The following SGCZ variants were observed in gnomAD, a reference collection of about 807,000 sequenced individuals.
SGCZ encodes the protein sarcoglycan zeta.
Under a neutral mutation model 41.3 loss-of-function variants are expected in SGCZ, and 40 were observed. That is an observed-to-expected ratio of 0.97 (90% CI 0.75 to 1.26). The LOEUF is 1.26. Among genes scored for constraint, SGCZ ranks in the 50% most tolerant of loss-of-function variants. The probability of loss-of-function intolerance (pLI) is 0.00; values close to 1 mark genes in which losing one functional copy is unlikely to be tolerated. For synonymous variants in SGCZ, 206 were observed against 137.5 expected (o/e 1.50, Z -3.49); for missense variants, 552 against 369.8 (o/e 1.49, Z -4.04).
At chr8:14,162,706 A>T (rs1804084052) in intron 5 of SGCZ, 1 of 152,258 alleles carries the variant, frequency 6.6e-6, no homozygotes, top group African/African-American at 2.4e-5. Flanking sequence ...ACACTCACCC[A>T]ATGGTGGAGG....
chr8:14,700,447 G>C (rs1809099938), intron 1 of SGCZ, among the ~76,000 whole-genome samples: 1 of 151,806 alleles, frequency 6.6e-6, no homozygotes, highest in Non-Finnish European at 1.5e-5. Flanking sequence ...AATGGACACT[G>C]AGGACTACTA....
At chr8:14,726,324 CTATAT>C (rs1810054381) in intron 1 of SGCZ, among the ~76,000 whole-genome samples, 2 of 121,176 alleles carry the variant, frequency 1.7e-5, no homozygotes, top group African/African-American at 3.2e-5. Flanking sequence ...ATATATATAT[CTATAT>C]ATATATATAT....
intron 4 of SGCZ, among the ~76,000 whole-genome samples, chr8:14,184,175 A>G (rs1213116841): frequency 6.6e-6 from 1 of 151,586 alleles, no homozygotes; most frequent in Non-Finnish European, 1.5e-5. Context: ...AAATTCCAGT[A>G]TATTTAAGAA....
At chr8:14,803,514 T>C (rs1021249201) in intron 1 of SGCZ, among the ~76,000 whole-genome samples, 7 of 152,100 alleles carry the variant, frequency 4.6e-5, no homozygotes, top group African/African-American at 1.7e-4. Flanking sequence ...TACCGCGCTT[T>C]TCCGATGGGC....
At chr8:14,841,025 T>A (rs1335777517) in intron 1 of SGCZ, among the ~76,000 whole-genome samples, 2 of 152,200 alleles carry the variant, frequency 1.3e-5, no homozygotes, top group South Asian at 4.1e-4. Context: ...ATTTTATCAA[T>A]GTGTAAACAT....
At chr8:15,054,959 C>G (rs910159093) in intron 1 of SGCZ, among the ~76,000 whole-genome samples, 1 of 63,800 alleles carries the variant, frequency 1.6e-5, no homozygotes, top group African/African-American at 4.1e-5. Flanking sequence ...AAGACTCCAT[C>G]TCAAAAAAAA....
intron 2 of SGCZ, among the ~76,000 whole-genome samples, chr8:14,531,676 T>C (rs565248204): frequency 1.3e-5 from 2 of 152,118 alleles, no homozygotes; most frequent in Admixed American, 1.3e-4. Flanking sequence ...TGTCACTTAA[T>C]AGATTCTTCT....
At chr8:14,100,674 T>C (rs750856817) in intron 7 of SGCZ, among the ~76,000 whole-genome samples, 17 of 150,330 alleles carry the variant, frequency 1.1e-4, no homozygotes, top group Non-Finnish European at 2.5e-4. Context: ...TGGTATAATA[T>C]CTGCTAACAC....
intron 2 of SGCZ, among the ~76,000 whole-genome samples, chr8:14,373,720 C>T (rs141733942): frequency 0.02 from 3,020 of 152,100 alleles, 80 homozygotes; most frequent in African/African-American, 0.056. Context: ...AAAGATAGAA[C>T]AAAAGGCATA....
chr8:15,124,617 A>G lies in SGCZ; in HGVS notation c.39+112968T>C, dbSNP rs578006648. Reference sequence around the variant, plus strand: ...AGTTTCCTCTTCAATTGTAAAAGCAATTGCCAAAATATCATCCAAGCTCCT... The same window carrying G: ...AGTTTCCTCTTCAATTGTAAAAGCAGTTGCCAAAATATCATCCAAGCTCCT... On this transcript the variant is annotated intron_variant, in intron 1 of 7. Transcript: ENST00000382080. 3.3e-5 allele frequency among the ~76,000 whole-genome samples: 5 copies of G among 152,318 alleles called. No homozygotes were observed. In the South Asian group the frequency reaches 1.0e-3, roughly 32 times the overall value.
intron 1 of SGCZ, among the ~76,000 whole-genome samples, chr8:14,689,895 T>C (rs1257050903): frequency 2.0e-5 from 3 of 152,346 alleles, no homozygotes; most frequent in Non-Finnish European, 4.4e-5. Flanking sequence ...ACTGGTTGTT[T>C]ATGACAATGT....
intron 1 of SGCZ, among the ~76,000 whole-genome samples, chr8:15,066,224 C>T (rs901942498): frequency 6.0e-5 from 9 of 150,138 alleles, no homozygotes; most frequent in East Asian, 2.0e-4. Flanking sequence ...AGGAGAATGG[C>T]GTGAACCCGG....
intron 1 of SGCZ, among the ~76,000 whole-genome samples, chr8:14,857,590 G>A (rs1350573747): frequency 6.6e-6 from 1 of 152,132 alleles, no homozygotes; most frequent in Non-Finnish European, 1.5e-5. Context: ...TTAGCCAGGT[G>A]CAGTGGCTCA....
rs1039285131 is a variant in SGCZ, at chr8:14,309,691, T to G, written c.336+14412A>C. ...GTTGTTTAAGAAGACACCTTCTGAG[T>G]ATTCTCACAGGAGACTGAGTTAAGC... On this transcript the variant is annotated intron_variant, in intron 3 of 7. Coordinates refer to ENST00000382080, the MANE Select transcript of SGCZ (RefSeq NM_139167.4). The G allele has an allele frequency of 2.5e-6, 4 of 1,609,726 alleles. No individual in the cohort carries two copies. The African/African-American group carries it at 5.4e-5, about 22-fold the overall frequency.
At chr8:14,455,212 A>C (rs532558522) in intron 2 of SGCZ, among the ~76,000 whole-genome samples, 3 of 152,258 alleles carry the variant, frequency 2.0e-5, no homozygotes, top group Non-Finnish European at 1.5e-5. Context: ...AAAATGGAAA[A>C]CCAAACATGA....
Position 14,595,027 on chromosome 8 carries a change from C to T in SGCZ, c.40-40101G>A, listed in dbSNP as rs183028745. ...TATTTTTTTCTGTAGTAAAATACTT[C>T]GTCTAATACTTTTTGAATTATAGAA... On this transcript the variant is annotated intron_variant, in intron 1 of 7. Transcript: ENST00000382080. Among the ~76,000 whole-genome samples the T allele has an allele frequency of 2.1e-4, 31 of 150,824 alleles. 1 individual carries two copies. Among genetic ancestry groups the T allele is most frequent in the African/African-American group, 6.4e-4 (26 of 40,314 alleles).
chr8:14,949,258 C>T (rs1307714038), intron 1 of SGCZ, among the ~76,000 whole-genome samples: 6 of 152,062 alleles, frequency 3.9e-5, no homozygotes, highest in African/African-American at 7.2e-5. Context: ...AAAATATTTT[C>T]GCCTTTCAAG....
At chr8:14,927,516 G>T (rs971984556) in intron 1 of SGCZ, among the ~76,000 whole-genome samples, 12 of 151,546 alleles carry the variant, frequency 7.9e-5, no homozygotes, top group Non-Finnish European at 1.5e-4. Context: ...AGAGAAATAA[G>T]AAGAAGAGCA....
chr8:15,136,808 T>G (rs78691451), intron 1 of SGCZ, among the ~76,000 whole-genome samples: 166 of 152,262 alleles, frequency 1.1e-3, no homozygotes, highest in African/African-American at 3.9e-3. Context: ...TCTCAGGTAT[T>G]CTTTCAGAGC....
Sources: allele counts gnomAD v4.1 joint callset (sites outside exome capture counted in the v4.1 genomes callset), GRCh38; gene constraint gnomAD v4.1.1; transcripts MANE v1.5; gene names NCBI Gene and HGNC (gene_info 2026-07-23, HGNC 2026-07-21).